GDAP1: variants seen among roughly 807,000 people sequenced by gnomAD.
The protein encoded by GDAP1 is ganglioside induced differentiation associated protein 1.
In GDAP1, 34 loss-of-function variants were observed where a neutral mutation model predicts 40.1. The ratio of observed to expected loss-of-function variants is 0.85; its 90% CI spans 0.64 to 1.13. GDAP1 has a LOEUF of 1.13. Among genes scored for constraint, GDAP1 ranks in the 50% most tolerant of loss-of-function variants. The pLI is 0.00. For synonymous variants in GDAP1, 170 were observed against 157.4 expected, an observed-to-expected ratio of 1.08 and a Z score of -0.60; for missense variants, 374 against 433.7, an observed-to-expected ratio of 0.86 and a Z score of 1.22.
At chr8:74,351,631 C>A (rs1808880689) in intron 2 of GDAP1, among the ~76,000 whole-genome samples, 165 bp downstream of exon 2, 1 of 152,000 alleles carries the variant, frequency 6.6e-6, no homozygotes, top group South Asian at 2.1e-4. Context: ...TCAAATAGGT[C>A]AATAACAAAT....
chr8:74,365,604 C>T lies in GDAP1; in HGVS notation c.*1237C>T, dbSNP rs113257519. 13 of 454,020 alleles carry T rather than the reference C, an allele frequency of 2.9e-5. No individual in the cohort carries two copies. The highest frequency in any genetic ancestry group is 4.0e-5 in the Non-Finnish European group (9 of 226,742). 28.1% of individuals were successfully genotyped at this position (454,020 alleles called of 1,614,324 possible). On this transcript the variant is annotated 3_prime_UTR_variant, in exon 6 of 6. Coordinates refer to ENST00000220822, the MANE Select transcript of GDAP1 (RefSeq NM_018972.4). Reference sequence around the variant, plus strand: ...GGTAGCAGGCATAGAGATGATGTGCCGAGGTCCCAGTGAACAACAGTAGCC... The same window carrying T: ...GGTAGCAGGCATAGAGATGATGTGCTGAGGTCCCAGTGAACAACAGTAGCC...
intron 2 of GDAP1, among the ~76,000 whole-genome samples, chr8:74,424,024 T>C (rs1420146802): frequency 6.6e-6 from 1 of 152,116 alleles, no homozygotes; most frequent in Admixed American, 6.6e-5. Flanking sequence ...AATACAACTG[T>C]TCCTAAGTAT....
chr8:74,373,452 C>A (rs986473970), intron 2 of GDAP1, among the ~76,000 whole-genome samples: 1 of 152,104 alleles, frequency 6.6e-6, no homozygotes, highest in African/African-American at 2.4e-5. Context: ...GTTTGTAGTT[C>A]TCCTTGAAGA....
intron 2 of GDAP1, among the ~76,000 whole-genome samples, chr8:74,475,178 T>C (rs1365655201): frequency 6.6e-6 from 1 of 152,154 alleles, no homozygotes; most frequent in Non-Finnish European, 1.5e-5. Context: ...TTTTCTTTTT[T>C]ATTAATATAG....
chr8:74,361,421 G>A (rs1423491591), intron 3 of GDAP1, among the ~76,000 whole-genome samples: 2 of 150,238 alleles, frequency 1.3e-5, no homozygotes, highest in Non-Finnish European at 3.0e-5. Flanking sequence ...TTTTTTGGAT[G>A]GAGTCTCGCT....
intron 2 of GDAP1, among the ~76,000 whole-genome samples, chr8:74,405,206 C>T (rs1183375113): frequency 6.7e-6 from 1 of 149,786 alleles, no homozygotes; most frequent in East Asian, 1.9e-4. Context: ...ATTTATAAAA[C>T]CATCAGATAT....
intron 2 of GDAP1, among the ~76,000 whole-genome samples, chr8:74,459,044 G>A (rs1441453591): frequency 6.6e-6 from 1 of 152,138 alleles, no homozygotes; most frequent in East Asian, 1.9e-4. Flanking sequence ...GCAGCCCTTG[G>A]AAACTATACA....
rs897949694 is a variant in GDAP1, at chr8:74,375,664, A to G, written c.165+24343A>G. On this transcript the variant is annotated intron_variant, in intron 2 of 2. Transcript: ENST00000523640. ...TGATGAAGACATCCATGAAAAATCC[A>G]AAGTTAGTATCATGCTTAATGGTGA... Among the ~76,000 whole-genome samples the G allele has an allele frequency of 2.0e-5, 3 of 152,220 alleles. No individual in the cohort carries two copies. In the East Asian group the frequency reaches 5.8e-4, roughly 29 times the overall value.
chr8:74,426,698 C>G (rs569050647), intron 2 of GDAP1, among the ~76,000 whole-genome samples: 2 of 152,230 alleles, frequency 1.3e-5, no homozygotes, highest in South Asian at 4.1e-4. Flanking sequence ...ATCTTTCTTT[C>G]TATTACATCT....
intron 2 of GDAP1, among the ~76,000 whole-genome samples, chr8:74,392,445 G>C (rs1200701962): frequency 6.6e-6 from 1 of 152,130 alleles, no homozygotes; most frequent in Non-Finnish European, 1.5e-5. Context: ...ATATAGCAGT[G>C]GTTAAGGCCT....
chr8:74,434,253 A>G (rs887646800), intron 2 of GDAP1, among the ~76,000 whole-genome samples: 12 of 152,304 alleles, frequency 7.9e-5, no homozygotes, highest in Admixed American at 3.3e-4. Context: ...TTGCATGTTT[A>G]AATAGTTATT....
chr8:74,488,826 T>G (rs1205959754), exon 3 of GDAP1: 2 of 152,190 alleles, frequency 1.3e-5, no homozygotes, highest in Non-Finnish European at 2.9e-5. Flanking sequence ...AAACCCACTT[T>G]AAAAATTTTA....
intron 2 of GDAP1, among the ~76,000 whole-genome samples, chr8:74,433,427 A>C (rs1335885162): frequency 2.6e-5 from 4 of 152,126 alleles, no homozygotes; most frequent in Non-Finnish European, 5.9e-5. Flanking sequence ...TGTTTCATAA[A>C]TATTTGTTAG....
intron 2 of GDAP1, among the ~76,000 whole-genome samples, chr8:74,476,541 A>G (rs1332618744): frequency 6.6e-6 from 1 of 152,130 alleles, no homozygotes; most frequent in Non-Finnish European, 1.5e-5. Flanking sequence ...TTGCTTATGA[A>G]GCTTAGTCTG....
At chr8:74,483,204 G>A (rs888867277) in intron 2 of GDAP1, among the ~76,000 whole-genome samples, 16 of 152,090 alleles carry the variant, frequency 1.1e-4, no homozygotes, top group Admixed American at 8.5e-4. Flanking sequence ...CTGAGCTAAG[G>A]CCTTGAGGAA....
chr8:74,409,300 A>G (rs1805678908), intron 2 of GDAP1, among the ~76,000 whole-genome samples: 1 of 149,898 alleles, frequency 6.7e-6, no homozygotes, highest in Non-Finnish European at 1.5e-5. Flanking sequence ...AAACATAGAA[A>G]TCAGTTTTTC....
intron 2 of GDAP1, among the ~76,000 whole-genome samples, chr8:74,434,960 T>C (rs1381208865): frequency 6.6e-6 from 1 of 152,222 alleles, no homozygotes; most frequent in Admixed American, 6.5e-5. Context: ...GACTTTTTTG[T>C]CTGTTTTTAC....
Position 74,351,337 on chromosome 8 carries a change from A to G in GDAP1, c.181A>G (p.Ser61Gly). The change falls in exon 2 of 6, where the codon AGT becomes GGT. Residue 61 changes from serine (S) to glycine (G), a missense_variant. Physicochemically the swap from Ser to Gly is moderately conservative, Grantham distance 56. Coordinates refer to ENST00000220822, the MANE Select transcript of GDAP1 (RefSeq NM_018972.4). ...CEEHDVSLPLSEHNEPWFMRL... is the reference protein window; with the variant it reads ...CEEHDVSLPLGEHNEPWFMRL... The stretch of plus-strand genomic sequence containing the variant: ...GGAACATGATGTAAGTCTGCCCTTG[A>G]GTGAGCACAATGAGCCTTGGTTTAT... The G allele has an allele frequency of 6.2e-7, 1 of 1,614,138 alleles. No individual in the cohort carries two copies. Among genetic ancestry groups the G allele is most frequent in the Non-Finnish European group, 8.5e-7 (1 of 1,179,940 alleles).
intron 4 of GDAP1, 100 bp from the exon 5 acceptor site, chr8:74,362,839 T>C (rs1809441021): frequency 2.4e-6 from 1 of 417,180 alleles, no homozygotes; most frequent in Non-Finnish European, 4.6e-6. Flanking sequence ...TTGTCTAAAA[T>C]AGGCTGAACT....
Sources: gnomAD v4.1 joint callset for allele counts (sites outside exome capture counted in the v4.1 genomes callset) on GRCh38, gnomAD v4.1.1 for gene constraint, MANE v1.5 for transcripts, NCBI Gene and HGNC (gene_info 2026-07-23, HGNC 2026-07-21) for gene names.